THEMIS: variants seen among roughly 807,000 people sequenced by gnomAD.
THEMIS encodes the protein protein THEMIS.
A neutral mutation model predicts 52.6 loss-of-function variants in THEMIS; 37 were observed. That is an observed-to-expected ratio of 0.70 (90% CI 0.54 to 0.93). The LOEUF is 0.93. Ranked by LOEUF, THEMIS falls within the 40% of genes least tolerant of loss-of-function variation. The pLI, the probability that THEMIS is intolerant of heterozygous loss-of-function variation, is 0.00. For synonymous variants in THEMIS, 292 were observed against 272.7 expected (o/e 1.07, Z -0.70); for missense variants, 808 against 763.1 (o/e 1.06, Z -0.69).
At chr6:127,808,668 T>C (rs1777799195) in intron 4 of THEMIS, among the ~76,000 whole-genome samples, 1 of 152,176 alleles carries the variant, frequency 6.6e-6, no homozygotes. Context: ...ATCTCATAGG[T>C]CTTGAAGTAG....
At chr6:127,876,967 C>A (rs1267567781) in intron 1 of THEMIS, among the ~76,000 whole-genome samples, 2 of 152,162 alleles carry the variant, frequency 1.3e-5, no homozygotes, top group Non-Finnish European at 2.9e-5. Flanking sequence ...AGGCAAGTCA[C>A]ACAAATTTTT....
chr6:127,903,600 G>GA (rs1302983581), upstream of THEMIS, among the ~76,000 whole-genome samples: 1 of 151,550 alleles, frequency 6.6e-6, no homozygotes, highest in Admixed American at 6.6e-5. Flanking sequence ...AACCAGAGGG[G>GA]AAAAATAGGA....
chr6:127,860,062 T>C (rs1779744774), intron 1 of THEMIS, among the ~76,000 whole-genome samples: 2 of 152,122 alleles, frequency 1.3e-5, no homozygotes, highest in African/African-American at 4.8e-5. Context: ...TGGTGATAAA[T>C]TCAATTTTCC....
At chr6:127,894,016 C>A (rs1387464578) in intron 1 of THEMIS, among the ~76,000 whole-genome samples, 1 of 151,948 alleles carries the variant, frequency 6.6e-6, no homozygotes, top group African/African-American at 2.4e-5. Flanking sequence ...AGATGTAACT[C>A]TCTAACATAG....
intron 4 of THEMIS, among the ~76,000 whole-genome samples, chr6:127,779,708 A>G (rs1776680964): frequency 1.3e-5 from 2 of 152,312 alleles, no homozygotes; most frequent in South Asian, 4.1e-4. Context: ...TCAATCTGCA[A>G]ATCAAATGAG....
chr6:127,727,069 G>A (rs959242543), intron 4 of THEMIS, among the ~76,000 whole-genome samples: 6 of 152,164 alleles, frequency 3.9e-5, no homozygotes, highest in East Asian at 1.9e-4. Context: ...TTTTAGAGAC[G>A]CTATGGCAAG....
At chr6:127,731,988 G>A (rs1774824439) in intron 4 of THEMIS, among the ~76,000 whole-genome samples, 1 of 147,254 alleles carries the variant, frequency 6.8e-6, no homozygotes, top group Non-Finnish European at 1.5e-5. Context: ...TTACAAGCGT[G>A]AGCCACCTTG....
Position 127,829,663 on chromosome 6 carries a change from G to A in THEMIS, c.522C>T (p.Tyr174=), listed in dbSNP as rs145677342. The A allele has an allele frequency of 1.8e-4, 291 of 1,613,864 alleles. No homozygotes were observed. The highest frequency in any genetic ancestry group is 2.4e-4 in the Non-Finnish European group (278 of 1,179,984). Residue 174 remains tyrosine, a synonymous_variant, in exon 3 of 6, where the codon TAC becomes TAT. Coordinates refer to ENST00000368248, the MANE Select transcript of THEMIS (RefSeq NM_001010923.3). ...TGTAAATACGTTCATCTTCACACTC[G>A]TAGAATTCTCCTTCTTGTGACAAAG... is the stretch of plus-strand genomic sequence containing the variant. ...NLPLSQEGEF[Y]ECEDERIYTL... is the part of the protein sequence containing the mutation.
intron 1 of THEMIS, among the ~76,000 whole-genome samples, chr6:127,861,385 C>G (rs1779791155): frequency 6.6e-6 from 1 of 152,076 alleles, no homozygotes; most frequent in Admixed American, 6.5e-5. Flanking sequence ...TGTGTTCGCA[C>G]AATACATACA....
At chr6:127,897,905 T>A (rs1030050287) in intron 1 of THEMIS, among the ~76,000 whole-genome samples, 3 of 151,692 alleles carry the variant, frequency 2.0e-5, no homozygotes, top group Non-Finnish European at 4.4e-5. Context: ...AATTAATACA[T>A]AAATTGTAGT....
intron 4 of THEMIS, 68 bp downstream of exon 4, chr6:127,812,815 A>T: frequency 6.8e-7 from 1 of 1,464,146 alleles, no homozygotes; most frequent in Non-Finnish European, 9.2e-7. Context: ...ACACACTCAG[A>T]AAAGACTTGA....
intron 4 of THEMIS, among the ~76,000 whole-genome samples, chr6:127,737,720 C>T (rs1011230643): frequency 1.3e-5 from 2 of 152,110 alleles, no homozygotes; most frequent in African/African-American, 4.8e-5. Context: ...TGATGAGTGA[C>T]ATTTGCATTC....
In THEMIS at chr6:127,829,898, A is replaced by T; in HGVS notation, c.287T>A (p.Leu96His). ...FKIVADKTPY[L>H]TMEEITRTIH... ...GGTCCTTGTGATTTCTTCCATAGTA[A>T]GGTATGGAGTTTTATCAGCCACAAT... The change falls in exon 3 of 6, where the codon CTT becomes CAT. Residue 96 changes from leucine (L) to histidine (H), a missense_variant. Leu to His is a moderately conservative substitution (Grantham distance 99). Transcript: ENST00000368248. 1 of 1,613,224 alleles carries T rather than the reference A, an allele frequency of 6.2e-7. No homozygotes were observed. Among genetic ancestry groups the T allele is most frequent in the Non-Finnish European group, 8.5e-7 (1 of 1,179,604 alleles).
At chr6:127,887,673 G>T (rs1260405968) in intron 1 of THEMIS, among the ~76,000 whole-genome samples, 1 of 152,096 alleles carries the variant, frequency 6.6e-6, no homozygotes, top group Non-Finnish European at 1.5e-5. Flanking sequence ...ACAGAAAGCA[G>T]ATCAGTTGTT....
At chr6:127,742,313 TAAA>T (rs778252716) in intron 4 of THEMIS, among the ~76,000 whole-genome samples, 2 of 121,236 alleles carry the variant, frequency 1.6e-5, no homozygotes, top group Admixed American at 8.8e-5. Flanking sequence ...AGACTCTGCT[TAAA>T]AAAAAAAAAA....
chr6:127,704,576 T>A (rs532004654), downstream of THEMIS, among the ~76,000 whole-genome samples: 18 of 152,352 alleles, frequency 1.2e-4, no homozygotes, highest in African/African-American at 3.8e-4. Context: ...AGTAGGAGAC[T>A]GATATATGAC....
intron 1 of THEMIS, among the ~76,000 whole-genome samples, chr6:127,894,811 CA>C (rs1780914668): frequency 6.6e-6 from 1 of 151,240 alleles, no homozygotes; most frequent in South Asian, 2.1e-4. Flanking sequence ...ACAGAAATAG[CA>C]AAATTTATGT....
At chr6:127,738,049 A>G (rs1775066472) in intron 4 of THEMIS, among the ~76,000 whole-genome samples, 2 of 152,132 alleles carry the variant, frequency 1.3e-5, no homozygotes, top group Non-Finnish European at 2.9e-5. Flanking sequence ...TCTACTTATA[A>G]CTAATAGAAG....
the THEMIS span, among the ~76,000 whole-genome samples, chr6:127,698,843 A>G: frequency 1.3e-5 from 2 of 151,802 alleles, no homozygotes; most frequent in African/African-American, 4.8e-5. Context: ...TATGGCTTAA[A>G]AAAAATCACA....
Sources: gnomAD v4.1 joint callset for allele counts (sites outside exome capture counted in the v4.1 genomes callset) on GRCh38, gnomAD v4.1.1 for gene constraint, MANE v1.5 for transcripts, NCBI Gene and HGNC (gene_info 2026-07-23, HGNC 2026-07-21) for gene names.